Variants in ME3 observed in about 807,000 individuals in gnomAD.
The protein encoded by ME3 is malic enzyme 3.
Under a neutral mutation model 68.9 loss-of-function variants are expected in ME3, and 48 were observed. The observed-to-expected ratio is 0.70, with a 90% CI of 0.55 to 0.89. ME3 has a LOEUF of 0.89. Ranked by LOEUF, ME3 falls within the 40% of genes least tolerant of loss-of-function variation. The pLI, the probability that ME3 is intolerant of heterozygous loss-of-function variation, is 0.00. For missense variants in ME3, 675 were observed against 797.4 expected, an observed-to-expected ratio of 0.85 and a Z score of 1.85; for synonymous variants, 320 against 318.8, an observed-to-expected ratio of 1.00 and a Z score of -0.04.
intron 7 of ME3, among the ~76,000 whole-genome samples, chr11:86,467,263 A>G (rs1165464156): frequency 1.3e-5 from 2 of 152,226 alleles, no homozygotes; most frequent in Non-Finnish European, 2.9e-5. Context: ...TTTAGACCAT[A>G]AAATGCTAAA....
At chr11:86,487,351 C>T in exon 7 of ME3, 3 of 1,614,148 alleles carry the variant, frequency 1.9e-6, no homozygotes, top group African/African-American at 2.7e-5. Context: ...CTGTCACAGC[C>T]TGCATGAACT....
intron 2 of ME3, among the ~76,000 whole-genome samples, chr11:86,661,190 G>A (rs73514360): frequency 6.8e-4 from 104 of 152,322 alleles, no homozygotes; most frequent in African/African-American, 2.4e-3. Context: ...GTACACTAAG[G>A]CCAAATGTGG....
chr11:86,627,300 A>T (rs541874025), intron 2 of ME3, among the ~76,000 whole-genome samples: 1 of 152,210 alleles, frequency 6.6e-6, no homozygotes, highest in African/African-American at 2.4e-5. Flanking sequence ...AACTTGTATA[A>T]ATCTAATAGA....
At chr11:86,478,790 T>C (rs1406947925) in intron 7 of ME3, among the ~76,000 whole-genome samples, 1 of 152,230 alleles carries the variant, frequency 6.6e-6, no homozygotes, top group African/African-American at 2.4e-5. Context: ...AGTATTTCAT[T>C]TCTAGCACTC....
At chr11:86,604,126 G>A (rs1362593084) in intron 2 of ME3, among the ~76,000 whole-genome samples, 1 of 151,234 alleles carries the variant, frequency 6.6e-6, no homozygotes, top group African/African-American at 2.4e-5. Context: ...AAAAAAAGTT[G>A]TCAATAGATA....
chr11:86,583,233 C>T (rs148891975), intron 2 of ME3, among the ~76,000 whole-genome samples: 63 of 152,228 alleles, frequency 4.1e-4, no homozygotes, highest in African/African-American at 1.4e-3. Context: ...GCTAGGTATA[C>T]GTGGAAAGAA....
At chr11:86,523,788 A>G (rs754018845) in intron 4 of ME3, among the ~76,000 whole-genome samples, 6 of 152,164 alleles carry the variant, frequency 3.9e-5, no homozygotes, top group Non-Finnish European at 7.4e-5. Flanking sequence ...TGAACATTTT[A>G]TAATCAGGAG....
chr11:86,615,007 C>T lies in ME3; in HGVS notation c.184-55184G>A, dbSNP rs889840904. Among the ~76,000 whole-genome samples the T allele has an allele frequency of 2.7e-5, 4 of 150,274 alleles. No homozygotes were observed. The East Asian group carries it at 8.3e-4, about 31-fold the overall frequency. ...TTTTGGCCATAAGAATACACACATT[C>T]TGGCGGAACCAAATCGTTTTTTTAA... On this transcript the variant is annotated intron_variant, in intron 2 of 14. Coordinates refer to ENST00000543262, the Ensembl canonical transcript of ME3.
chr11:86,478,436 G>T (rs1454477111), intron 7 of ME3, among the ~76,000 whole-genome samples: 3 of 151,410 alleles, frequency 2.0e-5, no homozygotes, highest in Non-Finnish European at 4.4e-5. Context: ...TCTACAGCCA[G>T]TAAGATTACA....
At chr11:86,603,464 G>A (rs1445767912) in intron 2 of ME3, among the ~76,000 whole-genome samples, 3 of 152,188 alleles carry the variant, frequency 2.0e-5, no homozygotes, top group East Asian at 1.9e-4. Context: ...TGCTGGAGAG[G>A]ATGTGGAGAA....
chr11:86,457,884 TGTA>T, intron 8 of ME3: 4 of 1,044,794 alleles, frequency 3.8e-6, no homozygotes, highest in Non-Finnish European at 4.9e-6. Flanking sequence ...ATGCTGAAAA[TGTA>T]GTTTCTGCTT....
At chr11:86,533,052 C>CAAAA (rs112609101) in intron 4 of ME3, among the ~76,000 whole-genome samples, 1 of 131,402 alleles carries the variant, frequency 7.6e-6, no homozygotes, top group Non-Finnish European at 1.6e-5. Flanking sequence ...ATGGGGTCTC[C>CAAAA]AAAAAAAAAA....
At chr11:86,594,027 C>T (rs1360511965) in intron 2 of ME3, among the ~76,000 whole-genome samples, 4 of 145,852 alleles carry the variant, frequency 2.7e-5, no homozygotes, top group East Asian at 2.4e-4. Flanking sequence ...TAATAAGCAC[C>T]GACTAGGTAC....
At chr11:86,471,196 G>C (rs1950767688) in intron 7 of ME3, among the ~76,000 whole-genome samples, 1 of 136,000 alleles carries the variant, frequency 7.4e-6, no homozygotes. Context: ...CTGTTACCAG[G>C]CTGGAGTGCA....
chr11:86,450,506 T>G, intron 8 of ME3, 108 bp from the exon 9 acceptor site: 1 of 839,714 alleles, frequency 1.2e-6, no homozygotes, highest in South Asian at 1.5e-5. Flanking sequence ...AACAGGCAAC[T>G]TTTCTTAGCC....
intron 2 of ME3, among the ~76,000 whole-genome samples, chr11:86,610,816 A>C (rs1346639745): frequency 6.6e-6 from 1 of 152,206 alleles, no homozygotes; most frequent in Non-Finnish European, 1.5e-5. Context: ...GTTGCAACTC[A>C]AGACCCAGTC....
intron 8 of ME3, among the ~76,000 whole-genome samples, chr11:86,459,522 T>C (rs1950120619): frequency 6.6e-6 from 1 of 152,150 alleles, no homozygotes; most frequent in African/African-American, 2.4e-5. Flanking sequence ...TAAACGGGTG[T>C]TGGAAATACT....
chr11:86,563,810 G>A (rs1350031362), intron 2 of ME3, among the ~76,000 whole-genome samples: 6 of 152,102 alleles, frequency 3.9e-5, no homozygotes, highest in Non-Finnish European at 8.8e-5. Context: ...TGGTCTACAA[G>A]TCTGTTTTTG....
chr11:86,530,691 G>A (rs899115695), intron 4 of ME3, among the ~76,000 whole-genome samples: 6 of 152,094 alleles, frequency 3.9e-5, no homozygotes, highest in African/African-American at 1.4e-4. Flanking sequence ...CAGAAATAAT[G>A]CTGCTTATCT....
Sources: gnomAD v4.1 joint callset for allele counts (sites outside exome capture counted in the v4.1 genomes callset) on GRCh38, gnomAD v4.1.1 for gene constraint, MANE v1.5 for transcripts, NCBI Gene and HGNC (gene_info 2026-07-23, HGNC 2026-07-21) for gene names.